Variants in EIF4B observed in about 807,000 individuals in gnomAD.
The protein encoded by EIF4B is eukaryotic translation initiation factor 4B.
EIF4B carries 8 observed loss-of-function variants against 79.3 expected under a neutral mutation model. The ratio of observed to expected loss-of-function variants is 0.10; its 90% CI spans 0.06 to 0.18. The LOEUF is 0.18. EIF4B is among the 10% of genes least tolerant of loss of function. The probability of loss-of-function intolerance (pLI) is 1.00; values close to 1 mark genes in which losing one functional copy is unlikely to be tolerated. For synonymous variants in EIF4B, 238 were observed against 274.7 expected (o/e 0.87, Z 1.32); for missense variants, 515 against 792.4 (o/e 0.65, Z 4.20).
intron 1 of EIF4B, chr12:53,012,155 G>C (rs1943074878): frequency 6.6e-6 from 1 of 152,146 alleles, no homozygotes; most frequent in African/African-American, 2.4e-5. Flanking sequence ...GCTTTCCAAG[G>C]GCTAATTCCT....
Position 53,021,867 on chromosome 12 carries a change from A to G in EIF4B, c.532+7A>G. 1.2e-6 allele frequency: 2 copies of G among 1,614,204 alleles called. No homozygotes were observed. The highest frequency in any genetic ancestry group is 1.7e-6 in the Non-Finnish European group (2 of 1,180,028). On this transcript the variant is annotated splice_region_variant and intron_variant, in intron 5 of 14. Transcript: ENST00000262056. ...GATCAAGCACAGGATAAAGGTAAGG[A>G]AACTGGTAGAGATTTCTGTTTGGTA...
rs778451547 is a variant in EIF4B at position 53,033,985 on chromosome 12, T to C, written c.1159T>C (p.Leu387=). 3.1e-6 allele frequency: 5 copies of C among 1,613,844 alleles called. No homozygotes were observed. The highest frequency in any genetic ancestry group is 2.2e-5 in the East Asian group (1 of 44,894). ...EERLQKEQEK[L]QRQLDEPKLE... ...ACGGCTACAGAAGGAACAAGAGAAGTTGCAGCGTCAGCTGGATGAGCCAAA... is the reference window on the plus strand; with the variant it reads ...ACGGCTACAGAAGGAACAAGAGAAGCTGCAGCGTCAGCTGGATGAGCCAAA... The change falls in exon 9 of 15, where the codon TTG becomes CTG. Residue 387 remains leucine (L), a synonymous_variant. Transcript: ENST00000262056.
At chr12:53,015,736 G>A (rs917602993) in intron 1 of EIF4B, among the ~76,000 whole-genome samples, 8 of 150,924 alleles carry the variant, frequency 5.3e-5, no homozygotes, top group South Asian at 2.1e-4. Context: ...CAGCACTTTC[G>A]GAGGCCGAGG....
At chr12:53,027,441 A>T (rs985643701) in intron 6 of EIF4B, among the ~76,000 whole-genome samples, 1 of 151,922 alleles carries the variant, frequency 6.6e-6, no homozygotes, top group African/African-American at 2.4e-5. Flanking sequence ...AGCTAAAAAA[A>T]TTTTTTTAAT....
intron 9 of EIF4B, among the ~76,000 whole-genome samples, 161 bp from the exon 10 acceptor site, chr12:53,034,451 T>A (rs1943502529): frequency 6.6e-6 from 1 of 152,220 alleles, no homozygotes; most frequent in Admixed American, 6.5e-5. Flanking sequence ...CCAAAGTGTG[T>A]CTTAATGTCT....
At chr12:53,016,978 C>G (rs949294621) in intron 2 of EIF4B, among the ~76,000 whole-genome samples, 4 of 152,104 alleles carry the variant, frequency 2.6e-5, no homozygotes, top group Non-Finnish European at 4.4e-5. Flanking sequence ...TCAGGCTGCT[C>G]GCGATGGCTT....
At chr12:53,023,413 A>G (rs1943281236) in intron 6 of EIF4B, among the ~76,000 whole-genome samples, 1 of 150,686 alleles carries the variant, frequency 6.6e-6, no homozygotes, top group Non-Finnish European at 1.5e-5. Context: ...TTGTATTTTT[A>G]GTAGAGATGG....
At chr12:53,015,731 CT>C (rs1943138465) in intron 1 of EIF4B, among the ~76,000 whole-genome samples, 1 of 147,338 alleles carries the variant, frequency 6.8e-6, no homozygotes, top group Non-Finnish European at 1.5e-5. Context: ...AATCCCAGCA[CT>C]TTCGGAGGCC....
rs185211362 is a variant in EIF4B, at chr12:53,013,064, T to G, written c.14-3409T>G. Among the ~76,000 whole-genome samples, 3 of 152,370 alleles carry G rather than the reference T, an allele frequency of 2.0e-5. No homozygotes were observed. The East Asian group carries it at 5.8e-4, about 29-fold the overall frequency. On this transcript the variant is annotated intron_variant, in intron 1 of 14. Coordinates refer to ENST00000262056, the MANE Select transcript of EIF4B (RefSeq NM_001417.7). ...TTTCAAATAACGTTAAAGAAGAAAC[T>G]TGTTTGTCAAAGGAGTCAAGGGGTG...
chr12:53,019,450 CTTTTTTTTTTTTTTTTT>C, intron 3 of EIF4B, among the ~76,000 whole-genome samples: 2 of 65,998 alleles, frequency 3.0e-5, no homozygotes, highest in Non-Finnish European at 6.3e-5. Context: ...TTTTTTTTTT[CTTTTTTTTTTTTTTTTT>C]TTTTTTTGAG....
chr12:53,006,644 G>C, intron 1 of EIF4B, 148 bp downstream of exon 1: 1 of 1,394,888 alleles, frequency 7.2e-7, no homozygotes, highest in Non-Finnish European at 9.8e-7. Flanking sequence ...GGCCCTGTTA[G>C]GTTACTGCCT....
rs1335397200 is a variant in EIF4B, at chr12:53,037,722, C to T, written c.1520+100C>T. 2.4e-6 allele frequency: 3 copies of T among 1,266,116 alleles called. No homozygotes were observed. The East Asian group carries it at 7.4e-5, about 31-fold the overall frequency. 78.4% of individuals were successfully genotyped at this position (1,266,116 alleles called of 1,614,324 possible). ...TACGGGATGCCAGCGTTGTATAGCA[C>T]CTTATAAGTTATGCTGGCTTTAGTC... On this transcript the variant is annotated intron_variant, in intron 11 of 14. Transcript: ENST00000262056.
intron 11 of EIF4B, 118 bp downstream of exon 11, chr12:53,037,740 C>A: frequency 9.0e-7 from 1 of 1,115,828 alleles, no homozygotes; most frequent in Non-Finnish European, 1.3e-6. Context: ...GTTATGCTGG[C>A]TTTAGTCTCT....
chr12:53,031,965 A>T (rs1311558635), intron 8 of EIF4B, among the ~76,000 whole-genome samples: 1 of 152,202 alleles, frequency 6.6e-6, no homozygotes, highest in Non-Finnish European at 1.5e-5. Context: ...TTTAGGACAA[A>T]CAATCATTTT....
chr12:53,029,134 G>C (rs1943390644), intron 8 of EIF4B, among the ~76,000 whole-genome samples: 1 of 151,278 alleles, frequency 6.6e-6, no homozygotes. Flanking sequence ...AAAAAAAAAG[G>C]ATTGCTTTCT....
intron 1 of EIF4B, among the ~76,000 whole-genome samples, chr12:53,009,500 A>AG (rs67146209): frequency 1.6e-5 from 2 of 128,640 alleles, no homozygotes; most frequent in African/African-American, 7.1e-5. Context: ...GTCTCAAAAA[A>AG]AAAAAACAAA....
intron 5 of EIF4B, 122 bp from the exon 6 acceptor site, chr12:53,022,371 C>A: frequency 7.1e-7 from 1 of 1,399,026 alleles, no homozygotes; most frequent in Non-Finnish European, 1.0e-6. Context: ...CCTGAGGTAA[C>A]TGGGATGACA....
chr12:53,039,179 G>A, intron 12 of EIF4B, 59 bp from the exon 13 acceptor site: 1 of 1,248,352 alleles, frequency 8.0e-7, no homozygotes. Flanking sequence ...GGAAATCTTA[G>A]GAGAGGGACA....
chr12:53,010,811 G>C (rs900851689), intron 1 of EIF4B, among the ~76,000 whole-genome samples: 5 of 152,092 alleles, frequency 3.3e-5, no homozygotes, highest in Admixed American at 1.3e-4. Flanking sequence ...GACCTCAGGT[G>C]ATCTTCCCAC....
Sources: gnomAD v4.1 joint callset for allele counts (sites outside exome capture counted in the v4.1 genomes callset) on GRCh38, gnomAD v4.1.1 for gene constraint, MANE v1.5 for transcripts, NCBI Gene and HGNC (gene_info 2026-07-23, HGNC 2026-07-21) for gene names.